The following NXPH1 variants were observed in gnomAD, a reference collection of about 807,000 sequenced individuals.
NXPH1 encodes the protein neurexophilin 1.
In NXPH1, 5 loss-of-function variants were observed where a neutral mutation model predicts 23.7. The ratio of observed to expected loss-of-function variants is 0.21; its 90% CI spans 0.11 to 0.44. NXPH1 has a LOEUF of 0.44. Among genes scored for constraint, NXPH1 ranks in the 20% least tolerant of loss-of-function variants. The pLI is 0.99. For synonymous variants in NXPH1, 144 were observed against 122.2 expected (o/e 1.18, Z -1.18); for missense variants, 324 against 321.6 (o/e 1.01, Z -0.06).
At position 8,435,909 on chromosome 7, in the gene NXPH1, CT is replaced by C; in HGVS notation, c.54+143del. The C allele has an allele frequency of 1.3e-6, 1 of 797,486 alleles. No homozygotes were observed. Among genetic ancestry groups the C allele is most frequent in the Non-Finnish European group, 2.2e-6 (1 of 456,474 alleles). The allele number at this position is 797,486 out of a possible 1,614,324, so 49.4% of individuals were successfully genotyped here. A position where few individuals can be genotyped will look rare whatever the true frequency, so the allele number is the denominator to read the frequency against. ...GCTGTGTTGGAGCAACTTTGGCAAG[CT>C]GGTCTCTGGATTCCTGCGGATTTTC... On this transcript the variant is annotated intron_variant, in intron 2 of 2. Transcript: ENST00000405863. This position sits in a 1 kb window ranked among gnomAD's most constrained non-coding sequence, Gnocchi z 5.9.
chr7:8,719,710 C>G (rs557740114), intron 2 of NXPH1, among the ~76,000 whole-genome samples: 1 of 152,218 alleles, frequency 6.6e-6, no homozygotes, highest in African/African-American at 2.4e-5. Flanking sequence ...TAGGCTCTTA[C>G]CACTATGCCA....
chr7:8,507,534 C>T (rs750179541), intron 2 of NXPH1, among the ~76,000 whole-genome samples: 1 of 152,060 alleles, frequency 6.6e-6, no homozygotes, highest in African/African-American at 2.4e-5. Flanking sequence ...ACATCAAAAT[C>T]ACTTATAACA....
intron 2 of NXPH1, among the ~76,000 whole-genome samples, chr7:8,543,299 T>A (rs1419539905): frequency 2.6e-5 from 4 of 151,662 alleles, no homozygotes; most frequent in Non-Finnish European, 5.9e-5. Context: ...ACCTTATCCA[T>A]GCAAGCTCCC....
At chr7:8,483,025 G>A (rs1288681179) in intron 2 of NXPH1, among the ~76,000 whole-genome samples, 1 of 152,184 alleles carries the variant, frequency 6.6e-6, no homozygotes, top group Non-Finnish European at 1.5e-5. Context: ...TCCTTTGCAA[G>A]CAGCCTAGTG....
chr7:8,751,779 T>A lies in NXPH1; in HGVS notation c.*10T>A. 1 of 1,601,044 alleles carries A rather than the reference T, an allele frequency of 6.2e-7. No homozygotes were observed. The highest frequency in any genetic ancestry group is 8.5e-7 in the Non-Finnish European group (1 of 1,174,236). On this transcript the variant is annotated 3_prime_UTR_variant, in exon 3 of 3. Coordinates refer to ENST00000405863, the MANE Select transcript of NXPH1 (RefSeq NM_152745.3). This position sits in a 1 kb window ranked among gnomAD's most constrained non-coding sequence, Gnocchi z 4.5. Reference sequence around the variant, plus strand: ...CTTTCCCTCGGGATGAAGGTGAACATGGGGGTGAGACTGAAGCCTGAGGAA... The same window carrying A: ...CTTTCCCTCGGGATGAAGGTGAACAAGGGGGTGAGACTGAAGCCTGAGGAA...
At chr7:8,444,068 A>G (rs1294387670) in intron 2 of NXPH1, among the ~76,000 whole-genome samples, 2 of 152,158 alleles carry the variant, frequency 1.3e-5, no homozygotes, top group Non-Finnish European at 2.9e-5. Flanking sequence ...GACGGATAGT[A>G]CCGAGCGTTG....
rs1002429373 is a variant in NXPH1, at chr7:8,433,804, C to T, written c.-1062C>T. Among the ~76,000 whole-genome samples the T allele has an allele frequency of 6.6e-6, 1 of 152,194 alleles. No individual in the cohort carries two copies. The highest frequency in any genetic ancestry group is 2.4e-5 in the African/African-American group (1 of 41,452). On this transcript the variant is annotated 5_prime_UTR_variant, in exon 1 of 3. Coordinates refer to ENST00000405863, the MANE Select transcript of NXPH1 (RefSeq NM_152745.3). This position sits in a 1 kb window ranked among gnomAD's most constrained non-coding sequence, Gnocchi z 6.8. ...CCACTCCCCTGGGCTTTGCGATCTT[C>T]CCTACGCCCCCCGGGAAGGGGGCGC...
At chr7:8,688,329 A>G (rs1361230903) in intron 2 of NXPH1, among the ~76,000 whole-genome samples, 1 of 152,174 alleles carries the variant, frequency 6.6e-6, no homozygotes, top group Admixed American at 6.6e-5. Flanking sequence ...ATTCGTTTAC[A>G]TATCTTGTAG....
At chr7:8,662,052 C>A (rs4236411) in intron 2 of NXPH1, among the ~76,000 whole-genome samples, 1 of 151,282 alleles carries the variant, frequency 6.6e-6, no homozygotes, top group Non-Finnish European at 1.5e-5. Context: ...AAAGACTTCC[C>A]GGATAGATTC....
At chr7:8,704,062 G>A (rs1779667673) in intron 2 of NXPH1, among the ~76,000 whole-genome samples, 1 of 152,126 alleles carries the variant, frequency 6.6e-6, no homozygotes, top group African/African-American at 2.4e-5. Context: ...AGACTAAGGA[G>A]GAGATATGTA....
chr7:8,691,038 C>G (rs1415897838), intron 2 of NXPH1, among the ~76,000 whole-genome samples: 1 of 152,210 alleles, frequency 6.6e-6, no homozygotes, highest in Non-Finnish European at 1.5e-5. Flanking sequence ...GTGAGTCTAA[C>G]TGATTGGGGT....
intron 2 of NXPH1, among the ~76,000 whole-genome samples, chr7:8,463,478 G>A (rs186311251): frequency 1.1e-3 from 171 of 152,066 alleles, no homozygotes; most frequent in African/African-American, 3.9e-3. Context: ...AAGTGAACTT[G>A]CTGGGTCAAG....
At chr7:8,699,236 C>G (rs1779582858) in intron 2 of NXPH1, among the ~76,000 whole-genome samples, 1 of 152,174 alleles carries the variant, frequency 6.6e-6, no homozygotes, top group Non-Finnish European at 1.5e-5. Context: ...TTCTAATTAT[C>G]TTCTCTTATC....
chr7:8,603,907 G>C (rs776108652), intron 2 of NXPH1, among the ~76,000 whole-genome samples: 6 of 152,040 alleles, frequency 3.9e-5, no homozygotes, highest in Non-Finnish European at 7.4e-5. Context: ...ACATAGGAAA[G>C]TAAATCTTTA....
intron 2 of NXPH1, among the ~76,000 whole-genome samples, chr7:8,549,140 A>C (rs981937035): frequency 2.0e-5 from 3 of 151,534 alleles, no homozygotes; most frequent in Non-Finnish European, 4.4e-5. Flanking sequence ...TTTACTGAAG[A>C]GCCAGTCTTG....
chr7:8,524,571 G>T (rs1161592736), intron 2 of NXPH1, among the ~76,000 whole-genome samples: 1 of 152,090 alleles, frequency 6.6e-6, no homozygotes, highest in Admixed American at 6.6e-5. Context: ...CAATGCCAAG[G>T]TGTCTGATAT....
intron 2 of NXPH1, among the ~76,000 whole-genome samples, chr7:8,473,188 T>C (rs1816897292): frequency 6.6e-6 from 1 of 152,182 alleles, no homozygotes; most frequent in African/African-American, 2.4e-5. Flanking sequence ...TTCTTCAATG[T>C]AGGGAAATGG....
At chr7:8,556,464 C>T (rs965237276) in intron 2 of NXPH1, among the ~76,000 whole-genome samples, 6 of 151,642 alleles carry the variant, frequency 4.0e-5, no homozygotes, top group African/African-American at 1.5e-4. Context: ...TGGCTGGGGG[C>T]TTTGATTTCT....
intron 2 of NXPH1, among the ~76,000 whole-genome samples, chr7:8,544,214 G>T (rs1818161442): frequency 7.0e-6 from 1 of 143,518 alleles, no homozygotes; most frequent in Admixed American, 7.3e-5. Context: ...CACAGCAACT[G>T]TTGCTTTAGC....
Sources: gnomAD v4.1 joint callset for allele counts (sites outside exome capture counted in the v4.1 genomes callset) on GRCh38, gnomAD v4.1.1 for gene constraint, Gnocchi (gnomAD v3.1) non-coding constraint, MANE v1.5 for transcripts, NCBI Gene and HGNC (gene_info 2026-07-23, HGNC 2026-07-21) for gene names.